Variants in APPL2 observed in about 807,000 individuals in gnomAD.
APPL2 encodes adaptor protein, phosphotyrosine interacting with PH domain and leucine zipper 2.
In APPL2, 84 loss-of-function variants were observed where a neutral mutation model predicts 92.7. The observed-to-expected ratio is 0.91, with a 90% CI of 0.76 to 1.09. APPL2 has a LOEUF of 1.09. Among genes scored for constraint, APPL2 ranks in the 50% least tolerant of loss-of-function variants. The pLI, the probability that APPL2 is intolerant of heterozygous loss-of-function variation, is 0.00. For missense variants in APPL2, 736 were observed against 824.5 expected, an observed-to-expected ratio of 0.89 and a Z score of 1.31; for synonymous variants, 291 against 291.0, an observed-to-expected ratio of 1.00 and a Z score of 0.00.
intron 9 of APPL2, among the ~76,000 whole-genome samples, chr12:105,200,860 G>GTATCTATCTATC (rs1317631288): frequency 1.4e-4 from 16 of 112,488 alleles, no homozygotes; most frequent in African/African-American, 3.0e-4. Context: ...ATGTATGTAT[G>GTATCTATCTATC]TATGTATCTA....
At chr12:105,203,592 G>A in intron 9 of APPL2, 111 bp downstream of exon 9, 1 of 940,324 alleles carries the variant, frequency 1.1e-6, no homozygotes, top group Non-Finnish European at 1.7e-6. Flanking sequence ...GGGGTGGACA[G>A]AGGCTCTGTG....
At chr12:105,175,606 T>G (rs902423129) in intron 20 of APPL2, among the ~76,000 whole-genome samples, 2 of 152,192 alleles carry the variant, frequency 1.3e-5, no homozygotes, top group African/African-American at 4.8e-5. Flanking sequence ...ATTTGCTGAA[T>G]GAACAAAAGA....
chr12:105,188,031 T>A (rs545212311), intron 17 of APPL2, among the ~76,000 whole-genome samples: 1 of 151,938 alleles, frequency 6.6e-6, no homozygotes, highest in East Asian at 1.9e-4. Context: ...ATATAGAGAA[T>A]AAGTCTAGTG....
intron 4 of APPL2, among the ~76,000 whole-genome samples, chr12:105,214,015 G>A (rs943166276): frequency 2.6e-5 from 4 of 151,880 alleles, no homozygotes; most frequent in East Asian, 1.9e-4. Flanking sequence ...GAGAAACCCC[G>A]TCTCTACTAA....
At chr12:105,192,857 T>C (rs1046265158) in intron 14 of APPL2, among the ~76,000 whole-genome samples, 9 of 152,202 alleles carry the variant, frequency 5.9e-5, no homozygotes, top group African/African-American at 1.9e-4. Flanking sequence ...GATAAATGAA[T>C]GAACAGCAGA....
chr12:105,195,564 T>C, intron 12 of APPL2, 21 bp downstream of exon 12: 1 of 1,614,190 alleles, frequency 6.2e-7, no homozygotes, highest in South Asian at 1.1e-5. Context: ...AGGAAAGAAA[T>C]ATGACAAACA....
chr12:105,197,487 C>T (rs1052803800), intron 11 of APPL2, among the ~76,000 whole-genome samples: 1 of 152,238 alleles, frequency 6.6e-6, no homozygotes, highest in Non-Finnish European at 1.5e-5. Flanking sequence ...CTAACAAGCA[C>T]GACTTCTGTT....
chr12:105,230,120 T>A (rs2136094561), intron 1 of APPL2, among the ~76,000 whole-genome samples: 1 of 152,154 alleles, frequency 6.6e-6, no homozygotes, highest in African/African-American at 2.4e-5. Flanking sequence ...ATTTTCAAAC[T>A]CACGGCCAAG....
intron 17 of APPL2, among the ~76,000 whole-genome samples, chr12:105,179,056 T>C (rs761944484): frequency 1.1e-4 from 17 of 152,186 alleles, no homozygotes; most frequent in Non-Finnish European, 2.4e-4. Context: ...TACATAGGTA[T>C]ACATGTTGCT....
At chr12:105,192,451 C>A (rs934257771) in intron 14 of APPL2, among the ~76,000 whole-genome samples, 1 of 152,062 alleles carries the variant, frequency 6.6e-6, no homozygotes, top group Admixed American at 6.6e-5. Flanking sequence ...TCTTGATCGA[C>A]CCCTGCCTCC....
chr12:105,212,382 G>A (rs544727605), intron 4 of APPL2, among the ~76,000 whole-genome samples: 188 of 152,146 alleles, frequency 1.2e-3, no homozygotes, highest in African/African-American at 4.1e-3. Context: ...AGCTTTATAC[G>A]CTCAATACTA....
At chr12:105,177,657 A>C (rs1885683396) in intron 17 of APPL2, among the ~76,000 whole-genome samples, 1 of 152,206 alleles carries the variant, frequency 6.6e-6, no homozygotes, top group African/African-American at 2.4e-5. Flanking sequence ...ACTTAGTCTA[A>C]ATTTAACATT....
In APPL2 at chr12:105,174,218, G is replaced by A. The variant is rs1019078318; in HGVS notation, c.*96C>T. 12 of 1,431,676 alleles carry A rather than the reference G, an allele frequency of 8.4e-6. No homozygotes were observed. Among genetic ancestry groups the A allele is most frequent in the Admixed American group, 7.0e-5 (3 of 43,030 alleles). 88.7% of individuals were successfully genotyped at this position (1,431,676 alleles called of 1,614,324 possible). A position where few individuals can be genotyped will look rare whatever the true frequency, so the allele number is the denominator to read the frequency against. On this transcript the variant is annotated 3_prime_UTR_variant, in exon 21 of 21. Coordinates refer to ENST00000258530, the MANE Select transcript of APPL2 (RefSeq NM_018171.5). ...ATTCCACAAACGATTGTCAGCCTTC[G>A]GAAATCAGGTCAGTGTGCCTGTATG...
chr12:105,235,776 C>T (rs890426789), intron 1 of APPL2, among the ~76,000 whole-genome samples, 183 bp downstream of exon 1: 2 of 152,070 alleles, frequency 1.3e-5, no homozygotes, highest in African/African-American at 4.8e-5. Flanking sequence ...TCTGCCCCGG[C>T]TCAGGACTCA....
intron 17 of APPL2, among the ~76,000 whole-genome samples, chr12:105,177,769 A>G (rs1196864): frequency 0.88 from 133,875 of 152,270 alleles, 59,146 homozygotes; most frequent in East Asian, 1. Context: ...AAGTATTCCA[A>G]AATATATTTC....
At position 105,174,293 on chromosome 12, in the gene APPL2, T is replaced by C. The variant is rs1428077956; in HGVS notation, c.*21A>G. ...GGTAGCTCTCCTTCCTGTTTGCTCT[T>C]CCCCCACAGGCGCAAGTGAGTTATG... On this transcript the variant is annotated 3_prime_UTR_variant, in exon 21 of 21. Coordinates refer to ENST00000258530, the MANE Select transcript of APPL2 (RefSeq NM_018171.5). The C allele has an allele frequency of 6.2e-7, 1 of 1,612,242 alleles. No individual in the cohort carries two copies. The highest frequency in any genetic ancestry group is 8.5e-7 in the Non-Finnish European group (1 of 1,179,104).
At chr12:105,203,851 T>A in intron 8 of APPL2, 66 bp from the exon 9 acceptor site, 1 of 1,436,358 alleles carries the variant, frequency 7.0e-7, no homozygotes, top group Non-Finnish European at 9.8e-7. Context: ...TCACTGAAGG[T>A]GAGACAGGCA....
At chr12:105,200,050 G>T (rs543446367) in intron 9 of APPL2, among the ~76,000 whole-genome samples, 245 of 151,734 alleles carry the variant, frequency 1.6e-3, no homozygotes, top group Admixed American at 3.1e-3. Flanking sequence ...TCGCCAGGAC[G>T]GTCTCGATCT....
At chr12:105,224,319 G>A (rs1671662251) in intron 2 of APPL2, among the ~76,000 whole-genome samples, 1 of 152,158 alleles carries the variant, frequency 6.6e-6, no homozygotes, top group Non-Finnish European at 1.5e-5. Context: ...ATGAAACCAA[G>A]AAAGTTATTC....
Sources: allele counts gnomAD v4.1 joint callset (sites outside exome capture counted in the v4.1 genomes callset), GRCh38; gene constraint gnomAD v4.1.1; transcripts MANE v1.5; gene names NCBI Gene and HGNC (gene_info 2026-07-23, HGNC 2026-07-21).